PLAC1: variants seen among roughly 807,000 people sequenced by gnomAD.
PLAC1 encodes the protein placenta associated 1.
For missense variants in PLAC1, 136 were observed against 163.2 expected (o/e 0.83, Z 0.91); for synonymous variants, 68 against 62.1 (o/e 1.09, Z -0.44).
At chrX:134,713,752 C>T (rs1399867222) in intron 2 of PLAC1, among the ~76,000 whole-genome samples, 1 of 112,155 alleles carries the variant, frequency 8.9e-6, no homozygotes, top group Admixed American at 9.4e-5. Context: ...GCAGAGAAGA[C>T]GGGCCTAATT....
chrX:134,693,673 G>A lies in PLAC1; in HGVS notation n.174+39762C>T, dbSNP rs897318199. Among the ~76,000 whole-genome samples, 8 of 111,045 alleles carry A rather than the reference G, an allele frequency of 7.2e-5. No individual in the cohort carries two copies. The South Asian group carries it at 2.7e-3, about 38-fold the overall frequency. ...TATATGAGTTGGCTGATATACAGAA[G>A]AAATTGAGAGAGAGAGAGAGAGAGA... On this transcript the variant is annotated intron_variant and non_coding_transcript_variant, in intron 2 of 2. Coordinates refer to the PLAC1 transcript ENST00000466797.
At chrX:134,675,244 G>A (rs1300983511) in intron 2 of PLAC1, among the ~76,000 whole-genome samples, 6 of 112,568 alleles carry the variant, frequency 5.3e-5, no homozygotes, top group African/African-American at 1.6e-4. Context: ...TAAACCTGTC[G>A]TCAGGCCTCT....
chrX:134,574,414 C>T (rs1286272424), intron 2 of PLAC1, among the ~76,000 whole-genome samples: 2 of 112,240 alleles, frequency 1.8e-5, no homozygotes, highest in Non-Finnish European at 3.8e-5. Flanking sequence ...CTAACCCCTT[C>T]CCCCACTCCT....
intron 2 of PLAC1, among the ~76,000 whole-genome samples, chrX:134,595,383 G>C: frequency 9.1e-6 from 1 of 109,994 alleles, no homozygotes; most frequent in East Asian, 2.8e-4. Context: ...TGGTATTGTT[G>C]AGTTCTATAT....
intron 1 of PLAC1, among the ~76,000 whole-genome samples, chrX:134,648,234 G>C (rs917417434): frequency 2.7e-5 from 3 of 111,387 alleles, no homozygotes; most frequent in African/African-American, 9.8e-5. Context: ...GGAGAGCCTG[G>C]GATGGGACAA....
At chrX:134,754,758 C>CTTTTTTTT (rs760098539) in intron 1 of PLAC1, among the ~76,000 whole-genome samples, 1 of 66,160 alleles carries the variant, frequency 1.5e-5, no homozygotes, top group Non-Finnish European at 2.6e-5. Flanking sequence ...ATTTATTGTT[C>CTTTTTTTT]TTTTTTTTTT....
chrX:134,650,327 C>G (rs765566669), intron 1 of PLAC1, among the ~76,000 whole-genome samples: 37 of 111,660 alleles, frequency 3.3e-4, no homozygotes, highest in Admixed American at 1.4e-3. Flanking sequence ...GGAAAGAGAT[C>G]ACATCTTTCT....
At position 134,716,757 on chromosome X, in the gene PLAC1, T is replaced by C. The variant is rs918240581; in HGVS notation, n.174+16678A>G. On this transcript the variant is annotated intron_variant and non_coding_transcript_variant, in intron 2 of 2. Transcript: ENST00000466797. Reference sequence around the variant, plus strand: ...GCCGATTAAATACTTGTTGAGTGAATGAATGAACTGGCATAGCGTAACGGT... The same window carrying C: ...GCCGATTAAATACTTGTTGAGTGAACGAATGAACTGGCATAGCGTAACGGT... Among the ~76,000 whole-genome samples, 4 of 112,206 alleles carry C rather than the reference T, an allele frequency of 3.6e-5. No homozygotes were observed. The Admixed American group carries it at 3.8e-4, about 11-fold the overall frequency.
intron 2 of PLAC1, among the ~76,000 whole-genome samples, chrX:134,572,332 C>G (rs773108710): frequency 1.8e-5 from 2 of 111,763 alleles, no homozygotes; most frequent in Non-Finnish European, 3.8e-5. Context: ...GTTCACTGCT[C>G]TCAAAGAAAG....
intron 1 of PLAC1, among the ~76,000 whole-genome samples, chrX:134,635,914 C>T (rs1044200697): frequency 8.9e-6 from 1 of 111,834 alleles, no homozygotes; most frequent in Non-Finnish European, 1.9e-5. Context: ...CTGTACATTA[C>T]ATATTTGCTG....
intron 2 of PLAC1, among the ~76,000 whole-genome samples, chrX:134,676,460 G>A (rs888017967): frequency 2.7e-5 from 3 of 112,054 alleles, no homozygotes; most frequent in Non-Finnish European, 5.6e-5. Flanking sequence ...TGTCTCCTGA[G>A]GGAAGAGGGT....
chrX:134,726,949 C>T (rs1286666924), intron 2 of PLAC1, among the ~76,000 whole-genome samples: 2 of 110,855 alleles, frequency 1.8e-5, no homozygotes, highest in Non-Finnish European at 1.9e-5. Context: ...TTACCTACCT[C>T]CCTTTCCCCC....
intron 1 of PLAC1, among the ~76,000 whole-genome samples, chrX:134,626,262 G>A (rs1457094872): frequency 8.9e-6 from 1 of 111,910 alleles, no homozygotes; most frequent in Non-Finnish European, 1.9e-5. Context: ...TTCTATATTT[G>A]TGTGTTTACT....
At chrX:134,685,068 A>C (rs1271537426) in intron 2 of PLAC1, among the ~76,000 whole-genome samples, 1 of 112,446 alleles carries the variant, frequency 8.9e-6, no homozygotes, top group Non-Finnish European at 1.9e-5. Flanking sequence ...AGCAGCTGTC[A>C]GTCTCTACAG....
At chrX:134,702,934 G>C (rs1447445325) in intron 2 of PLAC1, among the ~76,000 whole-genome samples, 1 of 111,885 alleles carries the variant, frequency 8.9e-6, no homozygotes, top group Non-Finnish European at 1.9e-5. Flanking sequence ...GTAAACAGAT[G>C]ATATATGGGT....
At chrX:134,746,621 ATATCACG>A (rs1178520851) in intron 1 of PLAC1, among the ~76,000 whole-genome samples, 1 of 111,892 alleles carries the variant, frequency 8.9e-6, no homozygotes. Context: ...TCCACTGGCC[ATATCACG>A]TATCATATAT....
At chrX:134,578,162 C>G (rs1477771103) in intron 2 of PLAC1, among the ~76,000 whole-genome samples, 2 of 110,929 alleles carry the variant, frequency 1.8e-5, no homozygotes, top group African/African-American at 6.6e-5. Context: ...GCCTGTAATC[C>G]CAGCACTTTG....
chrX:134,754,158 C>T (rs1489423075), intron 1 of PLAC1, among the ~76,000 whole-genome samples: 1 of 111,988 alleles, frequency 8.9e-6, no homozygotes, highest in Non-Finnish European at 1.9e-5. Flanking sequence ...TTTTACAATA[C>T]GTTATGGCAA....
intron 1 of PLAC1, among the ~76,000 whole-genome samples, chrX:134,620,263 C>T (rs2078204438): frequency 8.9e-6 from 1 of 112,451 alleles, no homozygotes; most frequent in Admixed American, 9.4e-5. Flanking sequence ...CAAATAGCAA[C>T]TGTTAGTTCC....
Sources: allele counts gnomAD v4.1 joint callset (sites outside exome capture counted in the v4.1 genomes callset), GRCh38; gene constraint gnomAD v4.1.1; transcripts MANE v1.5; gene names NCBI Gene and HGNC (gene_info 2026-07-23, HGNC 2026-07-21).